The following DDAH1 variants were observed in gnomAD, a reference collection of about 807,000 sequenced individuals.
DDAH1 encodes dimethylarginine dimethylaminohydrolase 1.
A neutral mutation model predicts 28.8 loss-of-function variants in DDAH1; 19 were observed. That is an observed-to-expected ratio of 0.66 (90% CI 0.46 to 0.97). The LOEUF is 0.97. DDAH1 is among the 50% of genes least tolerant of loss of function. The pLI, the probability that DDAH1 is intolerant of heterozygous loss-of-function variation, is 0.00. For synonymous variants in DDAH1, 153 were observed against 154.4 expected (o/e 0.99, Z 0.07); for missense variants, 326 against 375.9 (o/e 0.87, Z 1.10).
intron 1 of DDAH1, among the ~76,000 whole-genome samples, chr1:85,536,878 C>T (rs1454977616): frequency 6.7e-6 from 1 of 149,796 alleles, no homozygotes; most frequent in South Asian, 2.1e-4. Context: ...TATGGCAACA[C>T]TATTTACAAT....
At chr1:85,544,755 C>T (rs564330149) in intron 1 of DDAH1, among the ~76,000 whole-genome samples, 1 of 152,252 alleles carries the variant, frequency 6.6e-6, no homozygotes, top group South Asian at 2.1e-4. Context: ...GGCACAGTAG[C>T]TGACTATCAG....
At chr1:85,542,801 C>T (rs1658509419) in intron 1 of DDAH1, among the ~76,000 whole-genome samples, 1 of 152,176 alleles carries the variant, frequency 6.6e-6, no homozygotes, top group Non-Finnish European at 1.5e-5. Flanking sequence ...CAAAGAAACA[C>T]AGGTTTTTAA....
At chr1:85,506,412 A>G (rs981119031) in intron 1 of DDAH1, among the ~76,000 whole-genome samples, 4 of 152,200 alleles carry the variant, frequency 2.6e-5, no homozygotes. Context: ...TAGCATTTAA[A>G]ATAGGGCAGT....
intron 4 of DDAH1, among the ~76,000 whole-genome samples, chr1:85,326,614 A>G (rs577932145): frequency 6.6e-6 from 1 of 152,066 alleles, no homozygotes; most frequent in Non-Finnish European, 1.5e-5. Context: ...ACTACATAAC[A>G]CCTACTTTTT....
At chr1:85,377,231 C>T (rs1322732720) in intron 1 of DDAH1, among the ~76,000 whole-genome samples, 1 of 151,996 alleles carries the variant, frequency 6.6e-6, no homozygotes, top group Non-Finnish European at 1.5e-5. Flanking sequence ...TCCTGATAAA[C>T]TAAAAATGGT....
At chr1:85,328,174 T>C (rs1308646307) in intron 4 of DDAH1, among the ~76,000 whole-genome samples, 5 of 152,184 alleles carry the variant, frequency 3.3e-5, no homozygotes, top group African/African-American at 1.2e-4. Context: ...TACTCTGTGG[T>C]CCTAACTCAA....
intron 4 of DDAH1, among the ~76,000 whole-genome samples, chr1:85,343,724 G>A (rs1332890383): frequency 6.6e-6 from 1 of 152,060 alleles, no homozygotes; most frequent in African/African-American, 2.4e-5. Flanking sequence ...CTGTCTTTTG[G>A]GTTTTGCTAG....
At chr1:85,363,452 T>C (rs1192258712) in intron 1 of DDAH1, among the ~76,000 whole-genome samples, 1 of 152,200 alleles carries the variant, frequency 6.6e-6, no homozygotes, top group Non-Finnish European at 1.5e-5. Context: ...CTCATCACAT[T>C]ACAGGAGCTT....
intron 1 of DDAH1, among the ~76,000 whole-genome samples, chr1:85,566,338 A>G (rs765124765): frequency 6.6e-6 from 1 of 151,798 alleles, no homozygotes; most frequent in Non-Finnish European, 1.5e-5. Context: ...CATTTCTACA[A>G]AAAATTATCT....
At chr1:85,414,726 G>C (rs1265889904) in intron 1 of DDAH1, among the ~76,000 whole-genome samples, 1 of 152,148 alleles carries the variant, frequency 6.6e-6, no homozygotes, top group African/African-American at 2.4e-5. Context: ...GTGTGGAGTT[G>C]TTTCTAGGTT....
At chr1:85,478,936 T>G (rs550941335) in intron 2 of DDAH1, among the ~76,000 whole-genome samples, 1 of 152,198 alleles carries the variant, frequency 6.6e-6, no homozygotes, top group Non-Finnish European at 1.5e-5. Flanking sequence ...TCTATATAAT[T>G]GTATATTACT....
At chr1:85,351,812 G>C (rs1433961530) in intron 2 of DDAH1, among the ~76,000 whole-genome samples, 2 of 152,142 alleles carry the variant, frequency 1.3e-5, no homozygotes, top group Non-Finnish European at 2.9e-5. Flanking sequence ...CATGGGGAAG[G>C]GTAAATGGGG....
chr1:85,404,743 T>TTC (rs894215502), intron 1 of DDAH1, among the ~76,000 whole-genome samples: 1 of 151,854 alleles, frequency 6.6e-6, no homozygotes, highest in African/African-American at 2.4e-5. Context: ...TTCTCTGTCT[T>TTC]TCTCTCTCTC....
intron 2 of DDAH1, among the ~76,000 whole-genome samples, chr1:85,471,373 C>CT (rs1655616365): frequency 6.6e-6 from 1 of 152,172 alleles, no homozygotes; most frequent in African/African-American, 2.4e-5. Context: ...AAAAACATTC[C>CT]TTTTATTAAA....
At chr1:85,422,514 A>T (rs1653191851) in intron 1 of DDAH1, among the ~76,000 whole-genome samples, 1 of 152,182 alleles carries the variant, frequency 6.6e-6, no homozygotes. Flanking sequence ...GTTTTCTTCA[A>T]GAAATTTTAG....
intron 2 of DDAH1, among the ~76,000 whole-genome samples, chr1:85,479,947 C>T (rs1280497702): frequency 1.3e-5 from 2 of 152,210 alleles, no homozygotes; most frequent in Admixed American, 1.3e-4. Context: ...ATAATATTTC[C>T]TTGTCACGTT....
Position 85,381,494 on chromosome 1 carries a change from CT to C in DDAH1, c.304-22648del, listed in dbSNP as rs1294054268. 2.6e-5 allele frequency among the ~76,000 whole-genome samples: 4 copies of C among 151,488 alleles called. No individual in the cohort carries two copies. In the East Asian group the frequency reaches 7.8e-4, roughly 30 times the overall value. On this transcript the variant is annotated intron_variant, in intron 1 of 5. Transcript: ENST00000284031. Reference sequence around the variant, plus strand: ...GTGTAGTCTTTTATCCTTCACCCCCCTCCCAACCTTCCCCCAGAGTCCCCAA... The same window carrying C: ...GTGTAGTCTTTTATCCTTCACCCCCCCCCAACCTTCCCCCAGAGTCCCCAA...
chr1:85,532,771 G>A (rs531129874), intron 1 of DDAH1, among the ~76,000 whole-genome samples: 2 of 152,274 alleles, frequency 1.3e-5, no homozygotes, highest in Admixed American at 6.5e-5. Flanking sequence ...GAGCCCCCAG[G>A]TTTTAACAAA....
intron 1 of DDAH1, among the ~76,000 whole-genome samples, chr1:85,511,028 C>T (rs1657207114): frequency 6.6e-6 from 1 of 152,196 alleles, no homozygotes. Flanking sequence ...ACTCTCCACC[C>T]CAAATCAACA....
Sources: allele counts gnomAD v4.1 joint callset (sites outside exome capture counted in the v4.1 genomes callset), GRCh38; gene constraint gnomAD v4.1.1; transcripts MANE v1.5; gene names NCBI Gene and HGNC (gene_info 2026-07-23, HGNC 2026-07-21).